LRMDA: variants seen among roughly 807,000 people sequenced by gnomAD.
LRMDA encodes leucine rich melanocyte differentiation associated, also known as leucine-rich melanocyte differentiation-associated protein.
A neutral mutation model predicts 29.8 loss-of-function variants in LRMDA; 18 were observed. The ratio of observed to expected loss-of-function variants is 0.60; its 90% CI spans 0.42 to 0.90. LRMDA has a LOEUF of 0.90. Ranked by LOEUF, LRMDA falls within the 40% of genes least tolerant of loss-of-function variation. The probability of loss-of-function intolerance (pLI) is 0.00; values close to 1 mark genes in which losing one functional copy is unlikely to be tolerated. For missense variants in LRMDA, 273 were observed against 273.9 expected (o/e 1.00, Z 0.02); for synonymous variants, 125 against 109.4 (o/e 1.14, Z -0.89).
intron 2 of LRMDA, among the ~76,000 whole-genome samples, chr10:75,704,402 T>G (rs1000753750): frequency 1.3e-5 from 2 of 152,220 alleles, no homozygotes; most frequent in African/African-American, 4.8e-5. Flanking sequence ...TACCTTTTGT[T>G]AATCCATTTT....
intron 5 of LRMDA, among the ~76,000 whole-genome samples, chr10:76,264,709 G>T (rs1002426295): frequency 4.6e-5 from 7 of 152,116 alleles, no homozygotes; most frequent in Non-Finnish European, 1.0e-4. Flanking sequence ...AGAAAGGTAC[G>T]CATGGAGAAA....
intron 6 of LRMDA, among the ~76,000 whole-genome samples, chr10:76,337,620 C>G (rs10824404): frequency 0.15 from 22,329 of 151,894 alleles, 2,835 homozygotes; most frequent in African/African-American, 0.34. Flanking sequence ...TAGATGAAGC[C>G]AGAACAATAC....
chr10:76,105,104 C>G (rs1480353156), intron 5 of LRMDA, among the ~76,000 whole-genome samples: 5 of 152,192 alleles, frequency 3.3e-5, no homozygotes, highest in African/African-American at 4.8e-5. Flanking sequence ...CCACCAATAT[C>G]ACCTTGGCAG....
intron 6 of LRMDA, among the ~76,000 whole-genome samples, chr10:76,393,596 T>A (rs1305091409): frequency 6.6e-6 from 1 of 152,196 alleles, no homozygotes; most frequent in African/African-American, 2.4e-5. Flanking sequence ...AAATATTTTC[T>A]CCCATTCTGT....
At chr10:76,225,416 CAA>C (rs1171468250) in intron 5 of LRMDA, among the ~76,000 whole-genome samples, 1 of 139,504 alleles carries the variant, frequency 7.2e-6, no homozygotes. Context: ...GACTCCGTCT[CAA>C]AAAAAAAAAG....
chr10:75,994,456 A>G (rs1233765197), intron 2 of LRMDA, among the ~76,000 whole-genome samples: 1 of 152,220 alleles, frequency 6.6e-6, no homozygotes, highest in Non-Finnish European at 1.5e-5. Flanking sequence ...TCCAGATGGA[A>G]GGTGATCCTG....
chr10:75,863,314 C>A (rs2132324265), intron 2 of LRMDA, among the ~76,000 whole-genome samples: 1 of 152,282 alleles, frequency 6.6e-6, no homozygotes, highest in South Asian at 2.1e-4. Flanking sequence ...AATCTGTCTG[C>A]ACATATAAGC....
At chr10:75,432,690 G>T (rs935685315) in intron 1 of LRMDA, among the ~76,000 whole-genome samples, 1 of 152,228 alleles carries the variant, frequency 6.6e-6, no homozygotes, top group African/African-American at 2.4e-5. Context: ...ATTGGATTTT[G>T]AGATTACTTT....
chr10:76,349,550 G>A (rs1336604113), intron 6 of LRMDA, among the ~76,000 whole-genome samples: 1 of 151,840 alleles, frequency 6.6e-6, no homozygotes, highest in Admixed American at 6.6e-5. Context: ...GCACTTCCTG[G>A]TTATTTGGGA....
intron 5 of LRMDA, among the ~76,000 whole-genome samples, chr10:76,207,017 A>C (rs1851549193): frequency 6.6e-6 from 1 of 152,216 alleles, no homozygotes; most frequent in East Asian, 1.9e-4. Context: ...AGGAAACTGC[A>C]GTTTGTGGTG....
intron 6 of LRMDA, among the ~76,000 whole-genome samples, chr10:76,459,274 C>G (rs1051048672): frequency 2.0e-5 from 3 of 152,208 alleles, no homozygotes; most frequent in East Asian, 3.9e-4. Flanking sequence ...ACTTTGTGGA[C>G]CAGGGTGAAG....
chr10:76,385,984 AT>A (rs1472711923), intron 6 of LRMDA, among the ~76,000 whole-genome samples: 2 of 152,332 alleles, frequency 1.3e-5, no homozygotes, highest in African/African-American at 4.8e-5. Context: ...AAGTAGCAAT[AT>A]AATGATATAA....
At chr10:75,860,514 G>A (rs1844910165) in intron 2 of LRMDA, among the ~76,000 whole-genome samples, 1 of 151,870 alleles carries the variant, frequency 6.6e-6, no homozygotes, top group South Asian at 2.1e-4. Context: ...TAGAGACAGG[G>A]TTTCACCATT....
intron 6 of LRMDA, among the ~76,000 whole-genome samples, chr10:76,410,069 G>A (rs995179616): frequency 2.0e-5 from 3 of 152,086 alleles, no homozygotes; most frequent in African/African-American, 7.2e-5. Flanking sequence ...CACCTTGGGG[G>A]AACAGCATGT....
intron 4 of LRMDA, among the ~76,000 whole-genome samples, chr10:76,050,672 C>G (rs1361838691): frequency 6.6e-6 from 1 of 152,172 alleles, no homozygotes; most frequent in Non-Finnish European, 1.5e-5. Flanking sequence ...AAGACTTGGC[C>G]GGAGAGACCA....
chr10:75,962,023 C>T lies in LRMDA; in HGVS notation c.132-73985C>T, dbSNP rs75261553. ...GTGCATGTCTGTATCCAAATCTCCC[C>T]TTGGTGTAAGGACATCAGTCATATT... On this transcript the variant is annotated intron_variant, in intron 2 of 6. Coordinates refer to ENST00000611255, the MANE Select transcript of LRMDA (RefSeq NM_001305581.2). Among the ~76,000 whole-genome samples, 15 of 152,272 alleles carry T rather than the reference C, an allele frequency of 9.9e-5. No individual in the cohort carries two copies. The East Asian group carries it at 2.9e-3, about 29-fold the overall frequency.
chr10:76,455,423 G>C (rs185161030), intron 6 of LRMDA, among the ~76,000 whole-genome samples: 12 of 152,308 alleles, frequency 7.9e-5, no homozygotes, highest in Admixed American at 7.8e-4. Flanking sequence ...GTAAGAGTAT[G>C]CATCGATGCT....
chr10:75,670,335 A>G (rs1417544933), intron 2 of LRMDA, among the ~76,000 whole-genome samples: 3 of 152,366 alleles, frequency 2.0e-5, no homozygotes, highest in Non-Finnish European at 2.9e-5. Context: ...AACGGCACAA[A>G]GGGAAGAAAG....
intron 2 of LRMDA, among the ~76,000 whole-genome samples, chr10:75,722,586 C>G (rs975946660): frequency 6.6e-6 from 1 of 152,118 alleles, no homozygotes; most frequent in Non-Finnish European, 1.5e-5. Flanking sequence ...TTGTGTTACC[C>G]TGAGAAGCAA....
Sources: gnomAD v4.1 joint callset for allele counts (sites outside exome capture counted in the v4.1 genomes callset) on GRCh38, gnomAD v4.1.1 for gene constraint, MANE v1.5 for transcripts, NCBI Gene and HGNC (gene_info 2026-07-23, HGNC 2026-07-21) for gene names.